DLG2: variants seen among roughly 807,000 people sequenced by gnomAD.
DLG2 encodes the protein disks large homolog 2.
DLG2 carries 45 observed loss-of-function variants against 132.5 expected under a neutral mutation model. The ratio of observed to expected loss-of-function variants is 0.34; its 90% CI spans 0.27 to 0.44. The LOEUF (loss-of-function observed/expected upper bound fraction) is 0.44, where lower values mean the gene tolerates loss of function less well. DLG2 is among the 20% of genes least tolerant of loss of function. The pLI is 1.00. For synonymous variants in DLG2, 424 were observed against 419.6 expected, an observed-to-expected ratio of 1.01 and a Z score of -0.13; for missense variants, 1,045 against 1,196.9, an observed-to-expected ratio of 0.87 and a Z score of 1.87.
At chr11:84,030,238 T>C (rs1258016946) in intron 11 of DLG2, among the ~76,000 whole-genome samples, 1 of 152,144 alleles carries the variant, frequency 6.6e-6, no homozygotes, top group Non-Finnish European at 1.5e-5. Context: ...AGGTAGACAC[T>C]ATTATTACAT....
chr11:85,275,717 A>C (rs2077847734), intron 4 of DLG2, among the ~76,000 whole-genome samples: 1 of 152,184 alleles, frequency 6.6e-6, no homozygotes, highest in African/African-American at 2.4e-5. Context: ...TAGATTAGAC[A>C]GTAATATAAT....
At chr11:85,190,371 G>A in intron 4 of DLG2, among the ~76,000 whole-genome samples, 1 of 151,942 alleles carries the variant, frequency 6.6e-6, no homozygotes, top group East Asian at 1.9e-4. Context: ...TGTGTTAAGA[G>A]GAAAGTTTAC....
intron 3 of DLG2, among the ~76,000 whole-genome samples, chr11:85,338,527 T>C (rs1010983136): frequency 6.6e-6 from 1 of 151,980 alleles, no homozygotes; most frequent in Non-Finnish European, 1.5e-5. Flanking sequence ...TCCTGGTTAG[T>C]GTTGTTTAGT....
intron 18 of DLG2, chr11:83,682,366 C>T (rs1329529975): frequency 6.1e-6 from 6 of 985,350 alleles, no homozygotes; most frequent in Non-Finnish European, 7.2e-6. Context: ...AGGGGGTGAC[C>T]ATGCAGCATT....
intron 9 of DLG2, among the ~76,000 whole-genome samples, chr11:84,159,511 G>A (rs1369807317): frequency 6.6e-6 from 1 of 151,732 alleles, no homozygotes; most frequent in African/African-American, 2.4e-5. Context: ...GGAAAAGCTT[G>A]GCTTGTTTGA....
At chr11:84,149,612 T>TCTGTAGC (rs1357065047) in intron 9 of DLG2, among the ~76,000 whole-genome samples, 1 of 152,212 alleles carries the variant, frequency 6.6e-6, no homozygotes, top group Non-Finnish European at 1.5e-5. Flanking sequence ...CTATTTGGTT[T>TCTGTAGC]CTGTAGCCTT....
chr11:85,398,979 G>A (rs1455084488), intron 3 of DLG2, among the ~76,000 whole-genome samples: 28 of 152,134 alleles, frequency 1.8e-4, no homozygotes, highest in Admixed American at 1.8e-3. Context: ...AGGAAAAGAG[G>A]AAGTCAAATT....
At chr11:84,492,781 G>A (rs1361176778) in intron 7 of DLG2, among the ~76,000 whole-genome samples, 2 of 152,022 alleles carry the variant, frequency 1.3e-5, no homozygotes, top group African/African-American at 4.8e-5. Context: ...TAGCAGGCTT[G>A]GAAACTTTAG....
chr11:84,233,018 A>G (rs1567009810), intron 8 of DLG2, among the ~76,000 whole-genome samples: 1 of 152,206 alleles, frequency 6.6e-6, no homozygotes, highest in Non-Finnish European at 1.5e-5. Context: ...ATGAACTTGG[A>G]AACTTCACAA....
At chr11:84,036,432 A>G (rs907364903) in intron 11 of DLG2, among the ~76,000 whole-genome samples, 2 of 151,998 alleles carry the variant, frequency 1.3e-5, no homozygotes, top group Non-Finnish European at 2.9e-5. Flanking sequence ...TTTATTTTCA[A>G]TTGATTAATG....
intron 7 of DLG2, among the ~76,000 whole-genome samples, chr11:84,411,147 A>G (rs966385847): frequency 6.6e-6 from 1 of 152,310 alleles, no homozygotes; most frequent in African/African-American, 2.4e-5. Flanking sequence ...ACACCCTGCT[A>G]AAGACTGCAG....
chr11:84,502,310 CTTT>C, intron 7 of DLG2, among the ~76,000 whole-genome samples: 30 of 3,566 alleles, frequency 8.4e-3, no homozygotes, highest in Non-Finnish European at 0.014. Context: ...TTCTTTCTTT[CTTT>C]CTTTCTTTCT....
chr11:85,206,234 A>G, intron 4 of DLG2, among the ~76,000 whole-genome samples: 1 of 152,184 alleles, frequency 6.6e-6, no homozygotes, highest in Non-Finnish European at 1.5e-5. Flanking sequence ...ACCAGGTGCC[A>G]GCATCATGCT....
chr11:84,895,854 G>A (rs2090117088), intron 6 of DLG2, among the ~76,000 whole-genome samples: 1 of 152,142 alleles, frequency 6.6e-6, no homozygotes. Context: ...ATCTTTGTAT[G>A]AAATCTGAGA....
intron 3 of DLG2, among the ~76,000 whole-genome samples, chr11:85,504,679 T>C (rs1598042049): frequency 6.6e-6 from 1 of 152,222 alleles, no homozygotes; most frequent in African/African-American, 2.4e-5. Flanking sequence ...TGCCTTAGGA[T>C]TGTCTTGGCA....
At chr11:83,967,066 A>C (rs1014323588) in intron 12 of DLG2, among the ~76,000 whole-genome samples, 1 of 152,020 alleles carries the variant, frequency 6.6e-6, no homozygotes, top group Non-Finnish European at 1.5e-5. Context: ...AAATGGCAGG[A>C]TCTCCCATTT....
intron 7 of DLG2, among the ~76,000 whole-genome samples, chr11:84,398,764 T>C (rs982105621): frequency 6.6e-5 from 10 of 152,188 alleles, no homozygotes; most frequent in Non-Finnish European, 1.5e-4. Flanking sequence ...CAATTCTTAC[T>C]GTGTAAAATA....
chr11:85,568,910 C>T (rs969744561), intron 3 of DLG2, among the ~76,000 whole-genome samples: 12 of 152,076 alleles, frequency 7.9e-5, no homozygotes, highest in African/African-American at 2.9e-4. Context: ...TTCTGTTTAT[C>T]ACCACTCTAA....
At chr11:84,492,726 T>C (rs1229673738) in intron 7 of DLG2, among the ~76,000 whole-genome samples, 1 of 152,148 alleles carries the variant, frequency 6.6e-6, no homozygotes, top group Non-Finnish European at 1.5e-5. Context: ...ACAATCACCA[T>C]CATTATTATT....
Sources: allele counts gnomAD v4.1 joint callset (sites outside exome capture counted in the v4.1 genomes callset), GRCh38; gene constraint gnomAD v4.1.1; transcripts MANE v1.5; gene names NCBI Gene and HGNC (gene_info 2026-07-23, HGNC 2026-07-21).